HS6ST3: variants seen among roughly 807,000 people sequenced by gnomAD.
HS6ST3 encodes heparan sulfate 6-O-sulfotransferase 3.
A neutral mutation model predicts 36.7 loss-of-function variants in HS6ST3; 12 were observed. The observed-to-expected ratio is 0.33, with a 90% confidence interval of 0.21 to 0.53. The LOEUF is 0.53. HS6ST3 is among the 20% of genes least tolerant of loss of function. The probability of loss-of-function intolerance (pLI) is 0.95; values close to 1 mark genes in which losing one functional copy is unlikely to be tolerated. For missense variants in HS6ST3, 584 were observed against 640.9 expected (o/e 0.91, Z 0.96); for synonymous variants, 240 against 257.5 (o/e 0.93, Z 0.65).
intron 1 of HS6ST3, among the ~76,000 whole-genome samples, chr13:96,276,032 T>G (rs1204986590): frequency 6.6e-6 from 1 of 152,068 alleles, no homozygotes; most frequent in Non-Finnish European, 1.5e-5. Flanking sequence ...CCATCATGCC[T>G]TGCCTCTCCC....
intron 1 of HS6ST3, among the ~76,000 whole-genome samples, chr13:96,311,028 C>T (rs532403849): frequency 6.6e-6 from 1 of 152,252 alleles, no homozygotes; most frequent in Admixed American, 6.5e-5. Context: ...ATTTTTACCT[C>T]AGATGCAGAT....
chr13:96,274,577 A>G (rs913379222), intron 1 of HS6ST3, among the ~76,000 whole-genome samples: 6 of 152,068 alleles, frequency 3.9e-5, no homozygotes, highest in African/African-American at 1.4e-4. Flanking sequence ...TCTTTCCTCT[A>G]TATTTTCTTT....
intron 1 of HS6ST3, among the ~76,000 whole-genome samples, chr13:96,627,423 A>T (rs1457039596): frequency 6.6e-6 from 1 of 151,952 alleles, no homozygotes; most frequent in Non-Finnish European, 1.5e-5. Flanking sequence ...TTACTTGCAA[A>T]TGTTTGGTTT....
At chr13:96,302,146 C>T (rs2054886568) in intron 1 of HS6ST3, among the ~76,000 whole-genome samples, 1 of 151,644 alleles carries the variant, frequency 6.6e-6, no homozygotes, top group South Asian at 2.1e-4. Flanking sequence ...GGCAACCTGA[C>T]AATATGTATC....
intron 1 of HS6ST3, among the ~76,000 whole-genome samples, chr13:96,406,843 C>T (rs1169533714): frequency 1.3e-5 from 2 of 152,134 alleles, no homozygotes; most frequent in Admixed American, 1.3e-4. Context: ...ATGTGTCAGA[C>T]AAAAATGTAT....
intron 1 of HS6ST3, among the ~76,000 whole-genome samples, chr13:96,656,586 T>C (rs1276472659): frequency 6.6e-6 from 1 of 152,168 alleles, no homozygotes; most frequent in African/African-American, 2.4e-5. Context: ...GGAAGAAATG[T>C]GTTTAGGGCC....
intron 1 of HS6ST3, among the ~76,000 whole-genome samples, chr13:96,737,640 A>G: frequency 6.7e-6 from 1 of 149,654 alleles, no homozygotes; most frequent in South Asian, 2.1e-4. Context: ...TCAAAAAAAA[A>G]AAAAAAAAAA....
At chr13:96,443,626 A>G (rs1216904925) in intron 1 of HS6ST3, among the ~76,000 whole-genome samples, 2 of 151,956 alleles carry the variant, frequency 1.3e-5, no homozygotes, top group Admixed American at 1.3e-4. Flanking sequence ...TTAAAATGGC[A>G]TTATTATCTA....
rs114214746 is a variant in HS6ST3, at chr13:96,375,401, C to A, written c.707+283832C>A. Among the ~76,000 whole-genome samples, 652 of 152,296 alleles carry A rather than the reference C, an allele frequency of 4.3e-3. 3 individuals are homozygous for A. The highest frequency in any genetic ancestry group is 0.015 in the African/African-American group (632 of 41,562). Reference sequence around the variant, plus strand: ...ATATAAATGCTTTGAGGACAGGAATCATCTCTGGGTTATTTCTGCTGTATT... The same window carrying A: ...ATATAAATGCTTTGAGGACAGGAATAATCTCTGGGTTATTTCTGCTGTATT... On this transcript the variant is annotated intron_variant, in intron 1 of 1. Transcript: ENST00000376705.
chr13:96,188,461 A>G (rs571587586), intron 1 of HS6ST3, among the ~76,000 whole-genome samples: 1 of 152,270 alleles, frequency 6.6e-6, no homozygotes, highest in Non-Finnish European at 1.5e-5. Flanking sequence ...CTACAAAAAC[A>G]AACAAACAAA....
At chr13:96,380,421 A>G (rs1274688183) in intron 1 of HS6ST3, among the ~76,000 whole-genome samples, 1 of 151,986 alleles carries the variant, frequency 6.6e-6, no homozygotes, top group Non-Finnish European at 1.5e-5. Flanking sequence ...GCCCGCCACC[A>G]TGCCTGGCTA....
chr13:96,754,573 G>A (rs1490779599), intron 1 of HS6ST3, among the ~76,000 whole-genome samples: 1 of 152,110 alleles, frequency 6.6e-6, no homozygotes, highest in Non-Finnish European at 1.5e-5. Context: ...ACCTGAAAAT[G>A]TCTTTATTTA....
intron 1 of HS6ST3, among the ~76,000 whole-genome samples, chr13:96,207,538 T>C (rs1330873098): frequency 6.6e-6 from 1 of 152,084 alleles, no homozygotes; most frequent in Admixed American, 6.6e-5. Flanking sequence ...TGTATGTTCA[T>C]TGCAGCACTA....
intron 1 of HS6ST3, among the ~76,000 whole-genome samples, chr13:96,667,945 A>C (rs1317218739): frequency 1.3e-5 from 2 of 152,178 alleles, no homozygotes; most frequent in Non-Finnish European, 2.9e-5. Context: ...TGGAGGGAAA[A>C]TATTTAATAA....
chr13:96,114,799 C>G (rs1411374340), intron 1 of HS6ST3, among the ~76,000 whole-genome samples: 1 of 152,196 alleles, frequency 6.6e-6, no homozygotes, highest in Non-Finnish European at 1.5e-5. Context: ...ACCATGCCCC[C>G]AGGCCTAGTA....
intron 1 of HS6ST3, among the ~76,000 whole-genome samples, chr13:96,436,837 C>G (rs1311970454): frequency 3.3e-5 from 5 of 152,132 alleles, no homozygotes; most frequent in African/African-American, 1.2e-4. Context: ...TTAAGCCACC[C>G]AGTCCATGGT....
chr13:96,252,472 G>A (rs1273600274), intron 1 of HS6ST3, among the ~76,000 whole-genome samples: 1 of 152,080 alleles, frequency 6.6e-6, no homozygotes, highest in Admixed American at 6.5e-5. Flanking sequence ...TAGGATTGTT[G>A]TGCCTTCCCC....
At chr13:96,774,882 A>G (rs1877349878) in intron 1 of HS6ST3, among the ~76,000 whole-genome samples, 1 of 152,188 alleles carries the variant, frequency 6.6e-6, no homozygotes, top group Admixed American at 6.5e-5. Flanking sequence ...CATAATTGTC[A>G]GATTCACCAA....
intron 1 of HS6ST3, among the ~76,000 whole-genome samples, chr13:96,161,302 A>G (rs2054134572): frequency 6.6e-6 from 1 of 152,190 alleles, no homozygotes; most frequent in East Asian, 1.9e-4. Flanking sequence ...ACAGATGGAA[A>G]GTTTCATAGG....
Sources: gnomAD v4.1 joint callset for allele counts (sites outside exome capture counted in the v4.1 genomes callset) on GRCh38, gnomAD v4.1.1 for gene constraint, MANE v1.5 for transcripts, NCBI Gene and HGNC (gene_info 2026-07-23, HGNC 2026-07-21) for gene names.